The following EFCAB14 variants were observed in gnomAD, a reference collection of about 807,000 sequenced individuals.
The protein encoded by EFCAB14 is EF-hand calcium binding domain 14.
EFCAB14 carries 43 observed loss-of-function variants against 56.5 expected under a neutral mutation model. The ratio of observed to expected loss-of-function variants is 0.76; its 90% CI spans 0.60 to 0.98. The LOEUF (loss-of-function observed/expected upper bound fraction) is 0.98, where lower values mean the gene tolerates loss of function less well. EFCAB14 is among the 50% of genes least tolerant of loss of function. The pLI, the probability that EFCAB14 is intolerant of heterozygous loss-of-function variation, is 0.00. For synonymous variants in EFCAB14, 235 were observed against 212.9 expected (o/e 1.10, Z -0.90); for missense variants, 538 against 580.3 (o/e 0.93, Z 0.75).
Position 46,688,494 on chromosome 1 carries a change from C to A in EFCAB14, c.846G>T (p.Val282=), listed in dbSNP as rs2304746. The change falls in exon 7 of 11, where the codon GTG becomes GTT. Residue 282 remains valine (V), a synonymous_variant. Coordinates refer to ENST00000371933, the MANE Select transcript of EFCAB14 (RefSeq NM_014774.3). ...TAAGATCATTCTGTCTCTGGTACCC[C>A]ACTAGGGCACTGTTTACCTCCTCTA... ...NSLEEVNSAL[V]GYQRQNDLKL... 1 of 1,613,880 alleles carries A rather than the reference C, an allele frequency of 6.2e-7. No individual in the cohort carries two copies. Among genetic ancestry groups the A allele is most frequent in the South Asian group, 1.1e-5 (1 of 91,072 alleles).
At chr1:46,683,211 A>G in intron 10 of EFCAB14, 89 bp downstream of exon 10, 1 of 1,436,816 alleles carries the variant, frequency 7.0e-7, no homozygotes, top group Non-Finnish European at 9.5e-7. Context: ...TAAATGTTAG[A>G]TCATATATAT....
At chr1:46,704,439 T>C (rs1033699500) in intron 3 of EFCAB14, among the ~76,000 whole-genome samples, 2 of 137,486 alleles carry the variant, frequency 1.5e-5, no homozygotes, top group African/African-American at 5.5e-5. Flanking sequence ...ATTGCATCAC[T>C]GCACCCCAGC....
chr1:46,702,137 A>C lies in EFCAB14; in HGVS notation c.481-5488T>G, dbSNP rs543449584. Among the ~76,000 whole-genome samples the C allele has an allele frequency of 3.3e-5, 5 of 152,348 alleles. No homozygotes were observed. In the East Asian group the frequency reaches 9.6e-4, roughly 29 times the overall value. On this transcript the variant is annotated intron_variant, in intron 3 of 10. Coordinates refer to ENST00000371933, the MANE Select transcript of EFCAB14 (RefSeq NM_014774.3). ...AAATCCATATTCCAGCCAAAAGATG[A>C]GTCATGACTTTTATGCATATTACAT... is the stretch of plus-strand genomic sequence containing the variant.
At chr1:46,679,848 C>T (rs779314495) in intron 10 of EFCAB14, among the ~76,000 whole-genome samples, 2 of 151,918 alleles carry the variant, frequency 1.3e-5, no homozygotes, top group African/African-American at 2.4e-5. Context: ...CTCAAATGAT[C>T]TGCCCACCTC....
chr1:46,676,156 A>G lies in EFCAB14; in HGVS notation c.*2305T>C, dbSNP rs1389702797. 3.2e-4 allele frequency: 49 copies of G among 152,238 alleles called. No individual in the cohort carries two copies. Among genetic ancestry groups the G allele is most frequent in the Admixed American group, 3.2e-3 (49 of 15,288 alleles). The allele number at this position is 152,238 out of a possible 1,614,324, so 9.4% of individuals were successfully genotyped here. A position where few individuals can be genotyped will look rare whatever the true frequency, so the allele number is the denominator to read the frequency against. On this transcript the variant is annotated 3_prime_UTR_variant, in exon 11 of 11. Coordinates refer to ENST00000371933, the MANE Select transcript of EFCAB14 (RefSeq NM_014774.3). ...TCAACTCAGAAGAAAGGAGTTCAAG[A>G]TACCCTACTTTTGCCTGGAAGATGT... is the stretch of plus-strand genomic sequence containing the variant.
At chr1:46,700,974 A>T (rs1262253158) in intron 3 of EFCAB14, among the ~76,000 whole-genome samples, 1 of 93,092 alleles carries the variant, frequency 1.1e-5, no homozygotes, top group South Asian at 4.7e-4. Flanking sequence ...AGAGAGAGAG[A>T]GAGAGTGAGT....
chr1:46,698,654 C>T (rs1021836130), intron 3 of EFCAB14, among the ~76,000 whole-genome samples: 1 of 152,114 alleles, frequency 6.6e-6, no homozygotes, highest in African/African-American at 2.4e-5. Flanking sequence ...AGTCCCAGTA[C>T]AGGAAAGAGC....
At chr1:46,681,663 G>GTTTTT (rs10654448) in intron 10 of EFCAB14, among the ~76,000 whole-genome samples, 10 of 149,216 alleles carry the variant, frequency 6.7e-5, no homozygotes, top group African/African-American at 4.9e-5. Flanking sequence ...GAAGAGTTCT[G>GTTTTT]TTTTTTTTTT....
intron 2 of EFCAB14, among the ~76,000 whole-genome samples, chr1:46,715,383 T>C (rs1677372165): frequency 1.3e-5 from 2 of 152,148 alleles, no homozygotes; most frequent in Non-Finnish European, 2.9e-5. Flanking sequence ...ACTTAATCCT[T>C]CTAAGAGCAC....
In EFCAB14 at chr1:46,675,945, T is replaced by C. The variant is rs76849750; in HGVS notation, c.*2516A>G. On this transcript the variant is annotated 3_prime_UTR_variant, in exon 11 of 11. Coordinates refer to ENST00000371933, the MANE Select transcript of EFCAB14 (RefSeq NM_014774.3). The stretch of plus-strand genomic sequence containing the variant: ...CTGCCAGACTGAAAAGGTAAAAGGG[T>C]TTAAAACCAAAACCAAAACCAAACT... The C allele has an allele frequency of 6.6e-6, 1 of 152,032 alleles. No homozygotes were observed. Among genetic ancestry groups the C allele is most frequent in the African/African-American group, 2.4e-5 (1 of 41,450 alleles). 9.4% of individuals were successfully genotyped at this position (152,032 alleles called of 1,614,324 possible). A position where few individuals can be genotyped will look rare whatever the true frequency, so the allele number is the denominator to read the frequency against.
chr1:46,696,704 C>A (rs939034116), intron 3 of EFCAB14, 55 bp from the exon 4 acceptor site: 3 of 1,525,670 alleles, frequency 2.0e-6, no homozygotes, highest in Non-Finnish European at 1.8e-6. Flanking sequence ...GTAGAGGACA[C>A]GTTACCTTCA....
intron 2 of EFCAB14, among the ~76,000 whole-genome samples, chr1:46,714,721 G>A (rs1238561588): frequency 6.6e-6 from 1 of 151,042 alleles, no homozygotes; most frequent in Non-Finnish European, 1.5e-5. Flanking sequence ...AAGACTGCTT[G>A]AGCCCATGAA....
rs755098756 is a variant in EFCAB14 at position 46,688,491 on chromosome 1, C to T, written c.849G>A (p.Gly283=). 6.8e-6 allele frequency: 11 copies of T among 1,613,738 alleles called. No homozygotes were observed. Among genetic ancestry groups the T allele is most frequent in the Admixed American group, 5.0e-5 (3 of 59,958 alleles). ...SLEEVNSALV[G]YQRQNDLKLE... ...GTTTAAGATCATTCTGTCTCTGGTA[C>T]CCCACTAGGGCACTGTTTACCTCCT... is the stretch of plus-strand genomic sequence containing the variant. The change falls in exon 7 of 11, where the codon GGG becomes GGA. Residue 283 remains glycine (G), a synonymous_variant. Transcript: ENST00000371933.
intron 10 of EFCAB14, among the ~76,000 whole-genome samples, chr1:46,680,731 T>C (rs912155216): frequency 6.6e-6 from 1 of 152,228 alleles, no homozygotes; most frequent in Non-Finnish European, 1.5e-5. Context: ...GTGAATGTTA[T>C]GGTATGTGAA....
In EFCAB14 at chr1:46,718,170, C is replaced by A. The variant is rs749035489; in HGVS notation, c.-83G>T. 5.1e-5 allele frequency: 76 copies of A among 1,478,746 alleles called. No homozygotes were observed. Among genetic ancestry groups the A allele is most frequent in the Non-Finnish European group, 6.4e-5 (69 of 1,083,450 alleles). The allele number at this position is 1,478,746 out of a possible 1,614,324, so 91.6% of individuals were successfully genotyped here. On this transcript the variant is annotated 5_prime_UTR_variant, in exon 1 of 11. Transcript: ENST00000371933. ...GCCCAATTCTCTTCCTGCCTTGGAG[C>A]TGCCTTCCAGGGTTGGGAATCCTGG...
At chr1:46,694,760 T>C (rs537449235) in intron 4 of EFCAB14, among the ~76,000 whole-genome samples, 1 of 152,278 alleles carries the variant, frequency 6.6e-6, no homozygotes, top group East Asian at 1.9e-4. Context: ...ATCATGTTGC[T>C]ATAAAGACAC....
chr1:46,689,331 CTA>C (rs1364328857), intron 6 of EFCAB14, among the ~76,000 whole-genome samples: 2 of 152,170 alleles, frequency 1.3e-5, no homozygotes, highest in Non-Finnish European at 2.9e-5. Context: ...TCTGCTCATT[CTA>C]TGTCTTTCAA....
At chr1:46,695,287 C>T (rs1281670031) in intron 4 of EFCAB14, among the ~76,000 whole-genome samples, 2 of 152,170 alleles carry the variant, frequency 1.3e-5, no homozygotes, top group Non-Finnish European at 2.9e-5. Context: ...GTACTAATGG[C>T]TACAGAAGCC....
At chr1:46,701,252 G>A in intron 3 of EFCAB14, among the ~76,000 whole-genome samples, 1 of 152,254 alleles carries the variant, frequency 6.6e-6, no homozygotes, top group Non-Finnish European at 1.5e-5. Context: ...GGCTTTCTGA[G>A]ACCACTGTAA....
Sources: allele counts gnomAD v4.1 joint callset (sites outside exome capture counted in the v4.1 genomes callset), GRCh38; gene constraint gnomAD v4.1.1; transcripts MANE v1.5; gene names NCBI Gene and HGNC (gene_info 2026-07-23, HGNC 2026-07-21).